PCDHA8: variants seen among roughly 807,000 people sequenced by gnomAD.
The protein encoded by PCDHA8 is protocadherin alpha-8.
In PCDHA8, 53 loss-of-function variants were observed where a neutral mutation model predicts 61.8. The ratio of observed to expected loss-of-function variants is 0.86; its 90% CI spans 0.69 to 1.08. The LOEUF is 1.08. Among genes scored for constraint, PCDHA8 ranks in the 50% least tolerant of loss-of-function variants. The pLI is 0.00. For missense variants in PCDHA8, 1,293 were observed against 1,245.0 expected (o/e 1.04, Z -0.58); for synonymous variants, 618 against 556.6 (o/e 1.11, Z -1.55).
At chr5:140,897,458 G>A (rs191522392) in intron 1 of PCDHA8, among the ~76,000 whole-genome samples, 7 of 151,428 alleles carry the variant, frequency 4.6e-5, no homozygotes, top group African/African-American at 2.4e-5. Context: ...TTGTCCTTGC[G>A]ATAGTTTACT....
intron 3 of PCDHA8, among the ~76,000 whole-genome samples, chr5:140,991,007 G>C (rs2153892777): frequency 6.6e-6 from 1 of 152,280 alleles, no homozygotes; most frequent in South Asian, 2.1e-4. Flanking sequence ...ATTGAGAACT[G>C]TGATAAGCAC....
chr5:140,922,605 A>G (rs1328283001), intron 1 of PCDHA8, among the ~76,000 whole-genome samples: 2 of 152,258 alleles, frequency 1.3e-5, no homozygotes, highest in African/African-American at 4.8e-5. Flanking sequence ...AGTTGAAGAT[A>G]TATTAAAACT....
chr5:140,998,596 C>G (rs1301065712), intron 3 of PCDHA8, among the ~76,000 whole-genome samples: 1 of 148,578 alleles, frequency 6.7e-6, no homozygotes, highest in Non-Finnish European at 1.5e-5. Flanking sequence ...CAGAGTTTTG[C>G]TCTTGTTGCC....
At chr5:140,964,183 C>A (rs1422782402) in intron 1 of PCDHA8, among the ~76,000 whole-genome samples, 2 of 152,164 alleles carry the variant, frequency 1.3e-5, no homozygotes, top group Non-Finnish European at 2.9e-5. Context: ...CATTATAGTG[C>A]CAAATAGAGT....
At position 140,851,655 on chromosome 5, in the gene PCDHA8, T is replaced by C. The variant is rs1554145502; in HGVS notation, c.2394+7940T>C. 3 of 911,452 alleles carry C rather than the reference T, an allele frequency of 3.3e-6. No individual in the cohort carries two copies. In the African/African-American group the frequency reaches 5.4e-5, roughly 16 times the overall value. 56.5% of individuals were successfully genotyped at this position (911,452 alleles called of 1,614,324 possible). ...GTGTTTCCTTTCTTCAAGAAGACAT[T>C]CTCCTTTTAATTGAAATTTTCTCCA... On this transcript the variant is annotated intron_variant, in intron 1 of 3. Transcript: ENST00000531613.
intron 1 of PCDHA8, among the ~76,000 whole-genome samples, chr5:140,933,894 A>G (rs2089494206): frequency 6.6e-6 from 1 of 151,894 alleles, no homozygotes; most frequent in Non-Finnish European, 1.5e-5. Context: ...ACTTTTGAAT[A>G]TTTTGGCATA....
intron 1 of PCDHA8, among the ~76,000 whole-genome samples, chr5:140,946,629 T>TATATATATATATATATATATATATATAC (rs1367833800): frequency 2.4e-5 from 3 of 123,274 alleles, no homozygotes; most frequent in Non-Finnish European, 3.6e-5. Context: ...TATATATATA[T>TATATATATATATATATATATATATATAC]ATACAATGGA....
chr5:140,856,348 G>A (rs2043945989), intron 1 of PCDHA8: 2 of 1,598,578 alleles, frequency 1.3e-6, no homozygotes, highest in Admixed American at 1.7e-5. Context: ...GGAGCGTGGA[G>A]TGCAGCATCC....
chr5:140,861,631 C>G (rs960525062), intron 1 of PCDHA8: 2 of 314,942 alleles, frequency 6.4e-6, no homozygotes, highest in Admixed American at 7.0e-5. Flanking sequence ...GTGTTCTCAG[C>G]AACACAAAAG....
chr5:140,876,620 G>A lies in PCDHA8; in HGVS notation c.2394+32905G>A, dbSNP rs782423759. The A allele has an allele frequency of 1.1e-5, 18 of 1,614,062 alleles. No homozygotes were observed. The highest frequency in any genetic ancestry group is 1.7e-5 in the Admixed American group (1 of 60,010). Reference sequence around the variant, plus strand: ...TCGGATCGTGACTCTGGAGCCAATGGACAGGTCATCTGCTCACTGACACCT... The same window carrying A: ...TCGGATCGTGACTCTGGAGCCAATGAACAGGTCATCTGCTCACTGACACCT... On this transcript the variant is annotated intron_variant, in intron 1 of 3. Coordinates refer to ENST00000531613, the MANE Select transcript of PCDHA8 (RefSeq NM_018911.3).
At chr5:140,857,441 G>A (rs1554150037) in intron 1 of PCDHA8, 3 of 1,598,446 alleles carry the variant, frequency 1.9e-6, no homozygotes, top group African/African-American at 1.3e-5. Context: ...GTTCGTGAAG[G>A]AGAACAACCC....
intron 1 of PCDHA8, among the ~76,000 whole-genome samples, chr5:140,939,502 T>A (rs781895675): frequency 2.7e-5 from 4 of 150,818 alleles, no homozygotes; most frequent in Non-Finnish European, 5.9e-5. Flanking sequence ...AAATTCAATG[T>A]CTATAACATT....
intron 1 of PCDHA8, chr5:140,871,406 T>C (rs1406444669): frequency 1.2e-6 from 2 of 1,614,032 alleles, no homozygotes; most frequent in Non-Finnish European, 1.7e-6. Flanking sequence ...AAGACGGACC[T>C]CATGGCCTTC....
Position 140,979,001 on chromosome 5 carries a change from T to C in PCDHA8, c.2447T>C (p.Met816Thr). ...WRYSASLRAG[M>T]HSSVHLEEAG... Reference sequence around the variant, plus strand: ...TACTCTGCCTCCCTGAGAGCAGGCATGCACAGGTATGTATTTCCCTCCTCA... The same window carrying C: ...TACTCTGCCTCCCTGAGAGCAGGCACGCACAGGTATGTATTTCCCTCCTCA... Residue 816 changes from methionine (M) to threonine (T), a missense_variant, in exon 2 of 4, where the codon ATG becomes ACG. By Grantham distance (81) the Met-to-Thr change is moderately conservative (BLOSUM62 -1). Transcript: ENST00000531613. 6.2e-7 allele frequency: 1 copy of C among 1,614,148 alleles called. No individual in the cohort carries two copies. Among genetic ancestry groups the C allele is most frequent in the Non-Finnish European group, 8.5e-7 (1 of 1,180,016 alleles).
intron 1 of PCDHA8, among the ~76,000 whole-genome samples, chr5:140,873,949 C>G (rs1161044001): frequency 1.3e-5 from 2 of 152,218 alleles, no homozygotes; most frequent in Non-Finnish European, 1.5e-5. Flanking sequence ...GTGTAAGTCA[C>G]TGAGCCCAGC....
rs782513302 is a variant in PCDHA8 at position 140,857,057 on chromosome 5, GTGGAACTAC to G, written c.2394+13347_2394+13355del. The stretch of plus-strand genomic sequence containing the variant: ...TATGGTTGGTCACTGCACGGTCCTA[GTGGAACTAC>G]TGGATGAAAATGATAATTCACCTGA... On this transcript the variant is annotated intron_variant, in intron 1 of 3. Coordinates refer to ENST00000531613, the MANE Select transcript of PCDHA8 (RefSeq NM_018911.3). 670 of 1,596,188 alleles carry G rather than the reference GTGGAACTAC, an allele frequency of 4.2e-4. 48 individuals are homozygous for G. The highest frequency in any genetic ancestry group is 2.0e-3 in the Middle Eastern group (12 of 5,996).
chr5:140,880,836 A>G (rs1228476405), intron 1 of PCDHA8, among the ~76,000 whole-genome samples: 1 of 152,218 alleles, frequency 6.6e-6, no homozygotes, highest in Non-Finnish European at 1.5e-5. Context: ...GCATATTTTA[A>G]ATGGTTGACT....
In PCDHA8 at chr5:140,855,898, G is replaced by C; in HGVS notation, c.2394+12183G>C. On this transcript the variant is annotated intron_variant, in intron 1 of 3. Transcript: ENST00000531613. ...ATAGCTTTTTAGAACAAAGGCATCA[G>C]CCAGTTTCTCAAGGACTAGGAAGTA... is the stretch of plus-strand genomic sequence containing the variant. 1.9e-6 allele frequency: 2 copies of C among 1,070,112 alleles called. 1 individual carries two copies. The highest frequency in any genetic ancestry group is 2.7e-6 in the Non-Finnish European group (2 of 750,306). The allele number at this position is 1,070,112 out of a possible 1,614,324, so 66.3% of individuals were successfully genotyped here.
At chr5:140,949,263 C>G (rs1210516513) in intron 1 of PCDHA8, among the ~76,000 whole-genome samples, 1 of 151,714 alleles carries the variant, frequency 6.6e-6, no homozygotes, top group Non-Finnish European at 1.5e-5. Context: ...GAACATATCA[C>G]GTGCACTTGA....
Sources: allele counts gnomAD v4.1 joint callset (sites outside exome capture counted in the v4.1 genomes callset), GRCh38; gene constraint gnomAD v4.1.1; transcripts MANE v1.5; gene names NCBI Gene and HGNC (gene_info 2026-07-23, HGNC 2026-07-21).